Variants in NUP62CL observed in about 807,000 individuals in gnomAD.
The protein encoded by NUP62CL is nucleoporin-62 C-terminal-like protein.
In NUP62CL, 13 loss-of-function variants were observed where a neutral mutation model predicts 15.3. The ratio of observed to expected loss-of-function variants is 0.85; its 90% CI spans 0.55 to 1.35. The LOEUF (loss-of-function observed/expected upper bound fraction) is 1.35, where lower values mean the gene tolerates loss of function less well. Among genes scored for constraint, NUP62CL ranks in the 40% most tolerant of loss-of-function variants. The pLI is 0.00. For missense variants in NUP62CL, 123 were observed against 130.6 expected (o/e 0.94, Z 0.28); for synonymous variants, 54 against 49.2 (o/e 1.10, Z -0.41).
intron 8 of NUP62CL, among the ~76,000 whole-genome samples, chrX:107,145,534 CCT>C (rs1414535168): frequency 9.0e-6 from 1 of 111,296 alleles, no homozygotes; most frequent in Non-Finnish European, 1.9e-5. Context: ...GCTAAATCTT[CCT>C]CTTTGCAAAT....
At chrX:107,161,698 C>T (rs1401439887) in intron 4 of NUP62CL, among the ~76,000 whole-genome samples, 2 of 84,159 alleles carry the variant, frequency 2.4e-5, no homozygotes, top group East Asian at 3.8e-4. Context: ...GTGGGTGCAG[C>T]GCACCAGCAT....
chrX:107,132,026 A>G, intron 8 of NUP62CL: 1 of 1,014,713 alleles, frequency 9.9e-7, no homozygotes, highest in East Asian at 3.0e-5. Flanking sequence ...AAGGATAATG[A>G]TTTCTCCTAT....
chrX:107,191,732 CCT>C (rs2147816220), intron 2 of NUP62CL, among the ~76,000 whole-genome samples: 1 of 111,142 alleles, frequency 9.0e-6, no homozygotes, highest in Non-Finnish European at 1.9e-5. Flanking sequence ...ACTTATACTT[CCT>C]CTTTCTGCCA....
chrX:107,124,535 T>C (rs746120803), intron 8 of NUP62CL, among the ~76,000 whole-genome samples: 2 of 111,575 alleles, frequency 1.8e-5, no homozygotes, highest in African/African-American at 3.3e-5. Flanking sequence ...TTTTTTTTTT[T>C]CTGCTCTCCC....
chrX:107,141,999 G>A (rs751295275), intron 8 of NUP62CL, among the ~76,000 whole-genome samples: 1 of 109,604 alleles, frequency 9.1e-6, no homozygotes, highest in African/African-American at 3.3e-5. Context: ...GCAGTGAGCC[G>A]AGATCATGCC....
At chrX:107,142,137 A>C (rs1279720311) in intron 8 of NUP62CL, among the ~76,000 whole-genome samples, 1 of 110,793 alleles carries the variant, frequency 9.0e-6, no homozygotes, top group African/African-American at 3.3e-5. Flanking sequence ...AAAAAATCTA[A>C]TTAAAAGCAA....
At chrX:107,189,885 GAAA>G (rs1927180841) in intron 2 of NUP62CL, among the ~76,000 whole-genome samples, 2 of 63,787 alleles carry the variant, frequency 3.1e-5, no homozygotes, top group Non-Finnish European at 3.0e-5. Context: ...AGAAAAGAAA[GAAA>G]GAAAGAAAGA....
intron 8 of NUP62CL, among the ~76,000 whole-genome samples, chrX:107,140,338 C>A (rs924209198): frequency 9.0e-6 from 1 of 111,085 alleles, no homozygotes; most frequent in Non-Finnish European, 1.9e-5. Flanking sequence ...TTTACCATAC[C>A]CCTACCCCCT....
intron 7 of NUP62CL, among the ~76,000 whole-genome samples, chrX:107,152,147 TTCAG>T (rs869090367): frequency 0.033 from 2,148 of 64,122 alleles, 252 homozygotes; most frequent in East Asian, 0.1. Context: ...TATATATATA[TTCAG>T]ATATATATAT....
At chrX:107,170,332 C>T (rs1190557733) in intron 3 of NUP62CL, among the ~76,000 whole-genome samples, 2 of 109,875 alleles carry the variant, frequency 1.8e-5, no homozygotes, top group East Asian at 5.6e-4. Context: ...TGTATATATG[C>T]ATGTACGAAT....
intron 7 of NUP62CL, among the ~76,000 whole-genome samples, chrX:107,150,424 G>C (rs1925981329): frequency 8.9e-6 from 1 of 111,738 alleles, no homozygotes; most frequent in South Asian, 3.8e-4. Flanking sequence ...ACACCCAAGG[G>C]GCTTCATATT....
intron 2 of NUP62CL, among the ~76,000 whole-genome samples, chrX:107,187,566 T>C (rs933177995): frequency 1.8e-5 from 2 of 111,637 alleles, no homozygotes; most frequent in African/African-American, 6.5e-5. Flanking sequence ...CCCGGCTGAC[T>C]GTTGTGTTTT....
intron 2 of NUP62CL, among the ~76,000 whole-genome samples, chrX:107,187,876 T>A (rs1927107079): frequency 8.9e-6 from 1 of 112,538 alleles, no homozygotes; most frequent in Non-Finnish European, 1.9e-5. Context: ...ATGGACCAAC[T>A]TTTCAAAAAA....
chrX:107,192,758 T>TA (rs1165035218), intron 2 of NUP62CL, among the ~76,000 whole-genome samples: 3 of 111,529 alleles, frequency 2.7e-5, no homozygotes, highest in Admixed American at 9.5e-5. Context: ...TTGTATCCAC[T>TA]AAAAAAAATC....
chrX:107,141,291 G>T (rs1172892970), intron 8 of NUP62CL, among the ~76,000 whole-genome samples: 1 of 112,133 alleles, frequency 8.9e-6, no homozygotes, highest in Non-Finnish European at 1.9e-5. Flanking sequence ...TCAGAATCAA[G>T]AGACAAAGGT....
chrX:107,187,395 A>C (rs1240256547), intron 2 of NUP62CL, among the ~76,000 whole-genome samples: 1 of 111,741 alleles, frequency 8.9e-6, no homozygotes, highest in Non-Finnish European at 1.9e-5. Flanking sequence ...TAATTCTTTT[A>C]TTTATTTATT....
intron 2 of NUP62CL, among the ~76,000 whole-genome samples, chrX:107,181,081 T>C (rs1347810246): frequency 2.0e-5 from 2 of 99,299 alleles, no homozygotes; most frequent in African/African-American, 7.2e-5. Context: ...AACGCCCAAC[T>C]TTTTTTTTTT....
At chrX:107,161,848 T>G (rs900697753) in intron 4 of NUP62CL, among the ~76,000 whole-genome samples, 7 of 80,151 alleles carry the variant, frequency 8.7e-5, no homozygotes, top group African/African-American at 3.6e-4. Flanking sequence ...AAATTACCTA[T>G]CATATCAAAA....
chrX:107,191,781 T>C (rs1003449614), intron 2 of NUP62CL, among the ~76,000 whole-genome samples: 1 of 112,153 alleles, frequency 8.9e-6, no homozygotes, highest in African/African-American at 3.2e-5. Context: ...GTTTTTGTTT[T>C]AGACACTAAA....
Sources: allele counts gnomAD v4.1 joint callset (sites outside exome capture counted in the v4.1 genomes callset), GRCh38; gene constraint gnomAD v4.1.1; transcripts MANE v1.5; gene names NCBI Gene and HGNC (gene_info 2026-07-23, HGNC 2026-07-21).